The following BNC2 variants were observed in gnomAD, a reference collection of about 807,000 sequenced individuals.
The protein encoded by BNC2 is zinc finger protein basonuclin-2.
BNC2 carries 20 observed loss-of-function variants against 76.3 expected under a neutral mutation model. The ratio of observed to expected loss-of-function variants is 0.26; its 90% CI spans 0.18 to 0.38. The LOEUF (loss-of-function observed/expected upper bound fraction) is 0.38, where lower values mean the gene tolerates loss of function less well. Among genes scored for constraint, BNC2 ranks in the 10% least tolerant of loss-of-function variants. The pLI is 1.00. For synonymous variants in BNC2, 582 were observed against 514.8 expected (o/e 1.13, Z -1.77); for missense variants, 1,382 against 1,399.8 (o/e 0.99, Z 0.20).
intron 2 of BNC2, among the ~76,000 whole-genome samples, chr9:16,731,095 C>T (rs148578127): frequency 5.6e-4 from 85 of 152,186 alleles, no homozygotes; most frequent in African/African-American, 2.0e-3. Context: ...ACATCTGTAT[C>T]GTTTTACAGA....
intron 5 of BNC2, among the ~76,000 whole-genome samples, chr9:16,502,764 T>C (rs10810573): frequency 0.16 from 25,084 of 152,178 alleles, 2,487 homozygotes; most frequent in East Asian, 0.27. Context: ...TTCAAAAGAT[T>C]GTATCAACAG....
intron 3 of BNC2, among the ~76,000 whole-genome samples, chr9:16,696,304 T>C (rs1358262161): frequency 6.6e-6 from 1 of 152,160 alleles, no homozygotes; most frequent in African/African-American, 2.4e-5. Flanking sequence ...TTCTCCTCCT[T>C]CTTCATGAAA....
At chr9:16,815,523 C>G (rs929116300) in intron 1 of BNC2, among the ~76,000 whole-genome samples, 1 of 152,146 alleles carries the variant, frequency 6.6e-6, no homozygotes, top group Non-Finnish European at 1.5e-5. Context: ...TGCAGAATCC[C>G]TAAGATCTGG....
intron 1 of BNC2, among the ~76,000 whole-genome samples, chr9:16,753,434 G>A (rs905258911): frequency 3.9e-5 from 6 of 152,076 alleles, no homozygotes; most frequent in South Asian, 2.1e-4. Flanking sequence ...CTCTTCACAC[G>A]GGAAAGCAAA....
intron 3 of BNC2, among the ~76,000 whole-genome samples, chr9:16,721,831 T>G (rs1486465749): frequency 2.6e-5 from 4 of 152,176 alleles, no homozygotes; most frequent in Non-Finnish European, 1.5e-5. Flanking sequence ...AGGAGTTAAT[T>G]CCTAGATCGA....
rs1824740692 is a variant in BNC2 at position 16,738,373 on chromosome 9, G to A, written c.116C>T (p.Thr39Ile). Reference sequence around the variant, plus strand: ...AAACCAACATACCTCAATTTGAGATGTATCAACCCCACAACATGGGACCTT... The same window carrying A: ...AAACCAACATACCTCAATTTGAGATATATCAACCCCACAACATGGGACCTT... ...YFKVPCCGVD[T>I]SQIESEEAEV... Residue 39 changes from threonine to isoleucine, a missense_variant, in exon 2 of 7, where the codon ACA becomes ATA. Physicochemically the swap from Thr to Ile is moderately conservative, Grantham distance 89. Transcript: ENST00000380672. 4 of 1,613,920 alleles carry A rather than the reference G, an allele frequency of 2.5e-6. No homozygotes were observed. Among genetic ancestry groups the A allele is most frequent in the Non-Finnish European group, 3.4e-6 (4 of 1,179,924 alleles).
chr9:16,719,936 G>A (rs985027547), intron 3 of BNC2, among the ~76,000 whole-genome samples: 2 of 152,140 alleles, frequency 1.3e-5, no homozygotes, highest in African/African-American at 4.8e-5. Flanking sequence ...TCGTGTAGAA[G>A]TCTAACTGCA....
chr9:16,628,630 C>T (rs1303978415), intron 3 of BNC2, among the ~76,000 whole-genome samples: 5 of 152,164 alleles, frequency 3.3e-5, no homozygotes, highest in African/African-American at 4.8e-5. Flanking sequence ...CAAACACACA[C>T]GCAGAGCAAT....
chr9:16,636,106 T>C (rs879307003), intron 3 of BNC2, among the ~76,000 whole-genome samples: 9 of 152,112 alleles, frequency 5.9e-5, no homozygotes, highest in Non-Finnish European at 1.3e-4. Flanking sequence ...ACTCCAGAAT[T>C]TTAGAATATG....
intron 1 of BNC2, among the ~76,000 whole-genome samples, chr9:16,783,151 G>C (rs1826199390): frequency 6.6e-6 from 1 of 152,122 alleles, no homozygotes; most frequent in Non-Finnish European, 1.5e-5. Flanking sequence ...ATAAACAGAA[G>C]TAAGTTGAAA....
intron 4 of BNC2, among the ~76,000 whole-genome samples, chr9:16,567,862 T>A (rs921659512): frequency 6.6e-6 from 1 of 152,174 alleles, no homozygotes; most frequent in South Asian, 2.1e-4. Flanking sequence ...ATAAGAAGTA[T>A]GTGAAGTACA....
At chr9:16,842,556 G>C (rs1337327647) in intron 1 of BNC2, among the ~76,000 whole-genome samples, 1 of 152,134 alleles carries the variant, frequency 6.6e-6, no homozygotes, top group Non-Finnish European at 1.5e-5. Flanking sequence ...GAACTAAATA[G>C]TGTTGATGGT....
At chr9:16,737,989 TACTAAC>T (rs1160248428) in intron 2 of BNC2, among the ~76,000 whole-genome samples, 2 of 152,110 alleles carry the variant, frequency 1.3e-5, no homozygotes, top group Non-Finnish European at 2.9e-5. Context: ...AAAAGTTTAC[TACTAAC>T]ACTATTAATA....
At chr9:16,814,486 T>G (rs1343728117) in intron 1 of BNC2, among the ~76,000 whole-genome samples, 2 of 152,242 alleles carry the variant, frequency 1.3e-5, no homozygotes, top group Admixed American at 1.3e-4. Context: ...AACCACTATT[T>G]GCTAATATAG....
chr9:16,536,193 A>G (rs892947720), intron 5 of BNC2, among the ~76,000 whole-genome samples: 1 of 152,210 alleles, frequency 6.6e-6, no homozygotes, highest in Admixed American at 6.5e-5. Flanking sequence ...CTTTAAACTA[A>G]TAATAAACGC....
chr9:16,676,537 C>T (rs1822648222), intron 3 of BNC2, among the ~76,000 whole-genome samples: 1 of 152,126 alleles, frequency 6.6e-6, no homozygotes, highest in Non-Finnish European at 1.5e-5. Context: ...AGTTGGTTGT[C>T]CAAAATCTAG....
At chr9:16,548,884 C>A (rs930860913) in intron 5 of BNC2, among the ~76,000 whole-genome samples, 1 of 152,160 alleles carries the variant, frequency 6.6e-6, no homozygotes, top group East Asian at 1.9e-4. Flanking sequence ...TAATATATTA[C>A]CTGACTTCTT....
chr9:16,669,982 A>C (rs139366619), intron 3 of BNC2, among the ~76,000 whole-genome samples: 75 of 152,356 alleles, frequency 4.9e-4, no homozygotes, highest in African/African-American at 1.7e-3. Context: ...TACAATTTAA[A>C]AACATATAAT....
At chr9:16,737,238 C>CTTTTTTTT (rs559930240) in intron 2 of BNC2, among the ~76,000 whole-genome samples, 37 of 91,302 alleles carry the variant, frequency 4.1e-4, no homozygotes, top group Middle Eastern at 0.018. Context: ...CACACCTGGC[C>CTTTTTTTT]TTTTTTTTTT....
Sources: gnomAD v4.1 joint callset for allele counts (sites outside exome capture counted in the v4.1 genomes callset) on GRCh38, gnomAD v4.1.1 for gene constraint, MANE v1.5 for transcripts, NCBI Gene and HGNC (gene_info 2026-07-23, HGNC 2026-07-21) for gene names.